The following SDS variants were observed in gnomAD, a reference collection of about 807,000 sequenced individuals.
SDS encodes the protein serine dehydratase, also known as L-serine dehydratase/L-threonine deaminase.
A neutral mutation model predicts 29.3 loss-of-function variants in SDS; 19 were observed. The observed-to-expected ratio is 0.65, with a 90% CI of 0.45 to 0.95. The LOEUF (loss-of-function observed/expected upper bound fraction) is 0.95, where lower values mean the gene tolerates loss of function less well. SDS is among the 40% of genes least tolerant of loss of function. The pLI is 0.00. For synonymous variants in SDS, 176 were observed against 189.0 expected, an observed-to-expected ratio of 0.93 and a Z score of 0.56; for missense variants, 375 against 439.9, an observed-to-expected ratio of 0.85 and a Z score of 1.32.
At chr12:113,394,329 T>TTTG (rs71447218) in intron 6 of SDS, among the ~76,000 whole-genome samples, 8,056 of 148,326 alleles carry the variant, frequency 0.054, 280 homozygotes, top group African/African-American at 0.096. Context: ...TGTTTGTTTT[T>TTTG]TTGTTGTTTT....
rs1336771232 is a variant in SDS at position 113,398,525 on chromosome 12, G to A, written c.415C>T (p.Pro139Ser). 3.8e-6 allele frequency: 6 copies of A among 1,590,392 alleles called. No homozygotes were observed. The highest frequency in any genetic ancestry group is 1.4e-5 in the African/African-American group (1 of 73,504). Residue 139 changes from proline (P) to serine (S), a missense_variant, in exon 5 of 8, where the codon CCC becomes TCC. Coordinates refer to ENST00000257549, the MANE Select transcript of SDS (RefSeq NM_006843.3). Reference protein sequence around the residue: ...GWVYIPPFDDPLIWEGHASIV... With the variant: ...GWVYIPPFDDSLIWEGHASIV... ...TTGAACTCCACATACCAGATGAGGG[G>A]GTCATCAAAGGGGGGAATGTAGACC...
In SDS at chr12:113,399,705, T is replaced by C; in HGVS notation, c.4A>G (p.Met2Val). Residue 2 changes from methionine to valine, a missense_variant, in exon 2 of 8, where the codon ATG becomes GTG. Met to Val is a conservative substitution (Grantham distance 21). Transcript: ENST00000257549. The stretch of plus-strand genomic sequence containing the variant: ...TTCACGTGCAGGGGTTCTCCAGACA[T>C]CATTCCTGGGAGAAAGGAAGGAAAC... M[M>V]SGEPLHVKTP... is the part of the protein sequence containing the mutation. 6.3e-7 allele frequency: 1 copy of C among 1,577,338 alleles called. No homozygotes were observed. The highest frequency in any genetic ancestry group is 8.6e-7 in the Non-Finnish European group (1 of 1,162,546).
At chr12:113,399,756 G>C (rs756041361) in intron 1 of SDS, 46 bp from the exon 2 acceptor site, 6 of 1,459,120 alleles carry the variant, frequency 4.1e-6, no homozygotes, top group Non-Finnish European at 5.5e-6. Flanking sequence ...AGCTAGCCCC[G>C]GTGCCAGCAC....
intron 1 of SDS, among the ~76,000 whole-genome samples, chr12:113,400,783 G>A (rs1264978622): frequency 6.6e-6 from 1 of 151,814 alleles, no homozygotes; most frequent in Non-Finnish European, 1.5e-5. Flanking sequence ...GCTGGCCCTC[G>A]GGATCATAGC....
chr12:113,397,520 C>T, intron 5 of SDS, 128 bp from the exon 6 acceptor site: 1 of 742,492 alleles, frequency 1.3e-6, no homozygotes. Flanking sequence ...CCAACCTTGG[C>T]TTCTAGCTGC....
chr12:113,403,387 G>T (rs1957697921), intron 1 of SDS, among the ~76,000 whole-genome samples: 1 of 152,108 alleles, frequency 6.6e-6, no homozygotes, highest in Non-Finnish European at 1.5e-5. Flanking sequence ...AGCCGGGCGT[G>T]GTGGCACACG....
intron 1 of SDS, among the ~76,000 whole-genome samples, chr12:113,400,793 C>T (rs1204211361): frequency 6.6e-6 from 1 of 151,946 alleles, no homozygotes; most frequent in Non-Finnish European, 1.5e-5. Flanking sequence ...GGGATCATAG[C>T]ACCCACCTTT....
At chr12:113,394,403 G>A (rs1259079245) in intron 6 of SDS, among the ~76,000 whole-genome samples, 1 of 149,586 alleles carries the variant, frequency 6.7e-6, no homozygotes, top group African/African-American at 2.5e-5. Context: ...GCAGTGGTGC[G>A]ATCTCAGCTC....
chr12:113,396,639 C>T (rs1417207222), intron 6 of SDS: 1 of 143,384 alleles, frequency 7.0e-6, no homozygotes, highest in Non-Finnish European at 1.5e-5. Context: ...CCCTTCCTTC[C>T]TTTTTCTTTG....
Position 113,399,566 on chromosome 12 carries a change from A to G in SDS, c.143T>C (p.Phe48Ser), listed in dbSNP as rs1190808803. Residue 48 changes from phenylalanine to serine, a missense_variant, in exon 2 of 8, where the codon TTC becomes TCC. By Grantham distance (155) the Phe-to-Ser change is radical. Transcript: ENST00000257549. Reference protein sequence around the residue: ...GSFKIRGIGHFCKRWAKQGCA... With the variant: ...GSFKIRGIGHSCKRWAKQGCA... ...GACCCGGTCCCGTACCCTCTTGCAG[A>G]AGTGCCCAATGCCCCGGATCTTGAA... is the stretch of plus-strand genomic sequence containing the variant. The G allele has an allele frequency of 1.3e-6, 2 of 1,590,058 alleles. No individual in the cohort carries two copies. The highest frequency in any genetic ancestry group is 2.7e-5 in the African/African-American group (2 of 74,180).
In SDS at chr12:113,392,619, G is replaced by A. The variant is rs1957617821; in HGVS notation, c.*322C>T. On this transcript the variant is annotated 3_prime_UTR_variant, in exon 8 of 8. Coordinates refer to ENST00000257549, the MANE Select transcript of SDS (RefSeq NM_006843.3). ...TCAGGGGCGAGGTCACAGCTTTGAG[G>A]AATTCCTCACTGCTGTGATTCAGGT... 1 of 335,280 alleles carries A rather than the reference G, an allele frequency of 3.0e-6. No individual in the cohort carries two copies. 20.8% of individuals were successfully genotyped at this position (335,280 alleles called of 1,614,324 possible). A position where few individuals can be genotyped will look rare whatever the true frequency, so the allele number is the denominator to read the frequency against.
chr12:113,393,242 C>G (rs773970272), intron 7 of SDS, 93 bp from the exon 8 acceptor site: 22 of 1,200,050 alleles, frequency 1.8e-5, no homozygotes, highest in Non-Finnish European at 2.7e-5. Flanking sequence ...GAATACTGAG[C>G]CAATCAGCTC....
intron 5 of SDS, among the ~76,000 whole-genome samples, 172 bp from the exon 6 acceptor site, chr12:113,397,564 G>A (rs574741311): frequency 6.4e-4 from 98 of 152,080 alleles, no homozygotes; most frequent in Non-Finnish European, 1.2e-3. Context: ...GACCTTCTCT[G>A]GCCACCTGAG....
In SDS at chr12:113,393,212, A is replaced by G. The variant is rs111826235; in HGVS notation, c.779-63T>C. ...TTTCCCAGGGTGCACAGGAGCTGAC[A>G]GGCCATTGGCAGGACCTGGGAATAC... On this transcript the variant is annotated intron_variant, in intron 7 of 7. Coordinates refer to ENST00000257549, the MANE Select transcript of SDS (RefSeq NM_006843.3). The G allele has an allele frequency of 1.5e-5, 22 of 1,498,446 alleles. No homozygotes were observed. The East Asian group carries it at 4.3e-4, about 29-fold the overall frequency. The allele number at this position is 1,498,446 out of a possible 1,614,324, so 92.8% of individuals were successfully genotyped here.
intron 7 of SDS, 60 bp from the exon 8 acceptor site, chr12:113,393,209 G>T: frequency 2.0e-6 from 3 of 1,513,476 alleles, no homozygotes; most frequent in South Asian, 1.1e-5. Context: ...CACAGGAGCT[G>T]ACAGGCCATT....
At chr12:113,396,025 G>A (rs1957641751) in intron 6 of SDS, among the ~76,000 whole-genome samples, 1 of 152,196 alleles carries the variant, frequency 6.6e-6, no homozygotes, top group Non-Finnish European at 1.5e-5. Context: ...CTTGAACTTG[G>A]GAGGCAGAGG....
At chr12:113,399,195 A>G (rs1294519943) in intron 2 of SDS, 44 bp from the exon 3 acceptor site, 1 of 1,603,656 alleles carries the variant, frequency 6.2e-7, no homozygotes, top group African/African-American at 1.3e-5. Context: ...CCTCCCAGTC[A>G]TTGCCTGTGC....
At chr12:113,394,804 C>T (rs1957635231) in intron 6 of SDS, among the ~76,000 whole-genome samples, 1 of 152,100 alleles carries the variant, frequency 6.6e-6, no homozygotes, top group South Asian at 2.1e-4. Flanking sequence ...CTGGTTAACC[C>T]TCATGAAGCT....
intron 1 of SDS, among the ~76,000 whole-genome samples, chr12:113,403,553 T>TGG (rs200472962): frequency 1.3e-5 from 2 of 151,274 alleles, no homozygotes; most frequent in African/African-American, 4.9e-5. Context: ...TTGTAGAGAT[T>TGG]GGGGGGGGTC....
Sources: allele counts gnomAD v4.1 joint callset (sites outside exome capture counted in the v4.1 genomes callset), GRCh38; gene constraint gnomAD v4.1.1; transcripts MANE v1.5; gene names NCBI Gene and HGNC (gene_info 2026-07-23, HGNC 2026-07-21).